IFT52: variants seen among roughly 807,000 people sequenced by gnomAD.
The protein encoded by IFT52 is intraflagellar transport protein 52 homolog.
A neutral mutation model predicts 54.4 loss-of-function variants in IFT52; 44 were observed. That is an observed-to-expected ratio of 0.81 (90% CI 0.63 to 1.04). IFT52 has a LOEUF of 1.04. Among genes scored for constraint, IFT52 ranks in the 50% least tolerant of loss-of-function variants. IFT52 has a pLI of 0.00. For missense variants in IFT52, 452 were observed against 523.6 expected, an observed-to-expected ratio of 0.86 and a Z score of 1.33; for synonymous variants, 181 against 185.3, an observed-to-expected ratio of 0.98 and a Z score of 0.19.
At chr20:43,646,209 C>CAA (rs3092766) in intron 13 of IFT52, among the ~76,000 whole-genome samples, 3,505 of 136,316 alleles carry the variant, frequency 0.026, 164 homozygotes, top group African/African-American at 0.089. Context: ...AGACTCGTCT[C>CAA]AAAAAAAAAA....
chr20:43,634,837 A>G (rs1360556585), intron 10 of IFT52, among the ~76,000 whole-genome samples: 1 of 151,932 alleles, frequency 6.6e-6, no homozygotes, highest in African/African-American at 2.4e-5. Context: ...ATTCTCCCCT[A>G]TGTGTCTGTG....
At chr20:43,615,090 T>A (rs1348929284) in intron 7 of IFT52, among the ~76,000 whole-genome samples, 2 of 151,948 alleles carry the variant, frequency 1.3e-5, no homozygotes, top group Non-Finnish European at 2.9e-5. Flanking sequence ...ATTACAGGCA[T>A]GAGCTCTGTT....
At chr20:43,626,049 A>C (rs1466980046) in intron 10 of IFT52, among the ~76,000 whole-genome samples, 1 of 147,306 alleles carries the variant, frequency 6.8e-6, no homozygotes, top group Non-Finnish European at 1.5e-5. Flanking sequence ...AAAAAGTTGC[A>C]ATAACTGAGT....
At chr20:43,635,143 A>G (rs1456818514) in intron 10 of IFT52, among the ~76,000 whole-genome samples, 6 of 151,078 alleles carry the variant, frequency 4.0e-5, no homozygotes, top group African/African-American at 1.5e-4. Context: ...ACTCCAGACT[A>G]GGTGACAGAG....
chr20:43,642,315 G>A, intron 12 of IFT52, 164 bp from the exon 13 acceptor site: 1 of 625,592 alleles, frequency 1.6e-6, no homozygotes, highest in Non-Finnish European at 2.8e-6. Flanking sequence ...GAGAGCTCTA[G>A]GGTTTTTCAG....
Position 43,625,699 on chromosome 20 carries a change from G to A in IFT52, c.923+1654G>A, listed in dbSNP as rs1188275296. 3.3e-5 allele frequency among the ~76,000 whole-genome samples: 5 copies of A among 152,110 alleles called. No homozygotes were observed. The East Asian group carries it at 7.7e-4, about 23-fold the overall frequency. Reference sequence around the variant, plus strand: ...TTCAAGGAAGAGCAACAAGGCCATCGTGGCCACTGCAGAGTGAGTAGGGGT... The same window carrying A: ...TTCAAGGAAGAGCAACAAGGCCATCATGGCCACTGCAGAGTGAGTAGGGGT... On this transcript the variant is annotated intron_variant, in intron 10 of 13. Coordinates refer to ENST00000373030, the MANE Select transcript of IFT52 (RefSeq NM_016004.5).
rs6065631 is a variant in IFT52 at position 43,594,737 on chromosome 20, C to T, written c.39C>T (p.Ala13=). The change falls in exon 2 of 14, where the codon GCC becomes GCT. Residue 13 remains alanine, a synonymous_variant. Transcript: ENST00000373030. ...KELRSTILFN[A]YKKEIFTTNN... ...TGCGGAGCACCATTCTTTTCAATGC[C>T]TACAAAAAGGAGATATTTACCACCA... 9.9e-6 allele frequency: 16 copies of T among 1,612,542 alleles called. No individual in the cohort carries two copies. Among genetic ancestry groups the T allele is most frequent in the African/African-American group, 6.7e-5 (5 of 74,860 alleles).
intron 6 of IFT52, among the ~76,000 whole-genome samples, chr20:43,606,110 A>G (rs1370343595): frequency 6.6e-6 from 1 of 151,696 alleles, no homozygotes; most frequent in Non-Finnish European, 1.5e-5. Context: ...AATCCCAGCT[A>G]CTGGGGAGGT....
intron 9 of IFT52, among the ~76,000 whole-genome samples, chr20:43,623,493 T>C (rs888227884): frequency 6.6e-6 from 1 of 152,198 alleles, no homozygotes; most frequent in Non-Finnish European, 1.5e-5. Context: ...GAAAATCATT[T>C]TGATGGCTGA....
intron 13 of IFT52, among the ~76,000 whole-genome samples, chr20:43,646,071 C>T (rs890995788): frequency 2.0e-5 from 3 of 151,034 alleles, no homozygotes; most frequent in Non-Finnish European, 2.9e-5. Context: ...ATTAGCCGCG[C>T]GTGGTGGCGG....
chr20:43,642,362 G>A lies in IFT52; in HGVS notation c.1121-117G>A. ...TGTAGTCACATTACTTTAGGAAGAG[G>A]TGAGTGATCTTAGGAAATGTGGAAA... On this transcript the variant is annotated intron_variant, in intron 12 of 13. Transcript: ENST00000373030. 5.6e-6 allele frequency: 5 copies of A among 885,472 alleles called. No individual in the cohort carries two copies. The Admixed American group carries it at 9.4e-5, about 17-fold the overall frequency. 54.9% of individuals were successfully genotyped at this position (885,472 alleles called of 1,614,324 possible).
At chr20:43,640,848 C>T (rs901769355) in intron 12 of IFT52, among the ~76,000 whole-genome samples, 3 of 151,930 alleles carry the variant, frequency 2.0e-5, no homozygotes, top group African/African-American at 7.3e-5. Flanking sequence ...CCAGCTTGGG[C>T]GACATGGTGA....
intron 6 of IFT52, among the ~76,000 whole-genome samples, chr20:43,609,649 C>T (rs1198561927): frequency 2.6e-5 from 4 of 151,874 alleles, no homozygotes; most frequent in African/African-American, 9.7e-5. Flanking sequence ...GTGGCGGGCA[C>T]CTGTAATCTC....
At chr20:43,628,733 C>T (rs1026794182) in intron 10 of IFT52, among the ~76,000 whole-genome samples, 1 of 152,060 alleles carries the variant, frequency 6.6e-6, no homozygotes, top group African/African-American at 2.4e-5. Context: ...CGCCTGTAGT[C>T]CCAGCTACTC....
rs187249612 is a variant in IFT52 at position 43,593,631 on chromosome 20, G to A, written c.-6-1062G>A. Among the ~76,000 whole-genome samples, 142 of 152,264 alleles carry A rather than the reference G, an allele frequency of 9.3e-4. 1 individual carries two copies. The highest frequency in any genetic ancestry group is 3.2e-3 in the African/African-American group (131 of 41,552). On this transcript the variant is annotated intron_variant, in intron 1 of 13. Transcript: ENST00000373030. ...TCTCCAGGCTGGAGTGCAGAGTGGC[G>A]TGATTGTGGCTCACTGCAGCCTTAA...
intron 10 of IFT52, among the ~76,000 whole-genome samples, chr20:43,627,229 C>T (rs907538159): frequency 4.6e-5 from 7 of 151,492 alleles, no homozygotes; most frequent in East Asian, 1.9e-4. Flanking sequence ...AAAGCGCCAG[C>T]GAGTGTGAGA....
At chr20:43,600,546 C>T (rs1012610649) in intron 3 of IFT52, among the ~76,000 whole-genome samples, 5 of 151,994 alleles carry the variant, frequency 3.3e-5, no homozygotes, top group South Asian at 2.1e-4. Context: ...CCTTGTGATC[C>T]GCCCGCCTTG....
intron 10 of IFT52, among the ~76,000 whole-genome samples, chr20:43,627,932 T>TG (rs1568781065): frequency 1.1e-4 from 16 of 144,156 alleles, no homozygotes; most frequent in Non-Finnish European, 2.0e-4. Context: ...GTTTTTTTTT[T>TG]TTTTTTTTTT....
chr20:43,601,569 A>G (rs144220893), intron 3 of IFT52, among the ~76,000 whole-genome samples: 21 of 152,334 alleles, frequency 1.4e-4, no homozygotes, highest in African/African-American at 4.3e-4. Context: ...CAGATGGCCA[A>G]TAGGACACAG....
Sources: gnomAD v4.1 joint callset for allele counts (sites outside exome capture counted in the v4.1 genomes callset) on GRCh38, gnomAD v4.1.1 for gene constraint, MANE v1.5 for transcripts, NCBI Gene and HGNC (gene_info 2026-07-23, HGNC 2026-07-21) for gene names.